Variants in ITPK1 observed in about 807,000 individuals in gnomAD.
ITPK1 encodes the protein inositol 1,3,4-trisphosphate 5/6-kinase.
Under a neutral mutation model 45.3 loss-of-function variants are expected in ITPK1, and 21 were observed. The observed-to-expected ratio is 0.46, with a 90% confidence interval of 0.33 to 0.67. The LOEUF (loss-of-function observed/expected upper bound fraction) is 0.67. ITPK1 is among the 30% of genes least tolerant of loss of function. ITPK1 has a pLI of 0.02. For missense variants in ITPK1, 474 were observed against 573.5 expected (o/e 0.83, Z 1.77); for synonymous variants, 258 against 253.6 (o/e 1.02, Z -0.16).
intron 3 of ITPK1, among the ~76,000 whole-genome samples, chr14:93,049,338 C>A (rs147900481): frequency 2.6e-5 from 4 of 152,166 alleles, no homozygotes; most frequent in African/African-American, 9.7e-5. Context: ...TAAACACAGT[C>A]GGCTCAGAGG....
rs192850155 is a variant in ITPK1 at position 92,970,927 on chromosome 14, G to C, written c.365-8078C>G. 1.0e-3 allele frequency among the ~76,000 whole-genome samples: 154 copies of C among 152,292 alleles called. 2 individuals carry two copies. The East Asian group carries it at 0.023, about 23-fold the overall frequency. ...TGGGATTACAGGCATGAGCCACCGG[G>C]CCAGCCTTACAGCATCTTTTGAAAG... On this transcript the variant is annotated intron_variant, in intron 5 of 10. Transcript: ENST00000267615.
At chr14:93,056,429 C>T (rs1890217235) in intron 3 of ITPK1, among the ~76,000 whole-genome samples, 1 of 152,224 alleles carries the variant, frequency 6.6e-6, no homozygotes, top group South Asian at 2.1e-4. Context: ...AGGGAGTCTG[C>T]ATTTTTCATG....
chr14:93,076,273 T>C lies in ITPK1; in HGVS notation c.120+322A>G, dbSNP rs1215373282. On this transcript the variant is annotated intron_variant, in intron 3 of 10. Coordinates refer to ENST00000267615, the MANE Select transcript of ITPK1 (RefSeq NM_014216.6). The surrounding 1 kb of genome is among the most constrained non-coding windows in gnomAD (Gnocchi z 4.3). ...ACAGAGCACAAGACAACTGGACATC[T>C]AGCTGGGTGCCTACTGCCCCCTCAC... Among the ~76,000 whole-genome samples, 1 of 152,020 alleles carries C rather than the reference T, an allele frequency of 6.6e-6. No homozygotes were observed. The highest frequency in any genetic ancestry group is 2.4e-5 in the African/African-American group (1 of 41,372).
chr14:93,010,263 C>T (rs1195117496), intron 4 of ITPK1, among the ~76,000 whole-genome samples: 3 of 152,352 alleles, frequency 2.0e-5, no homozygotes, highest in Middle Eastern at 6.8e-3. Context: ...CGGACTCGAA[C>T]ACCTAGAACA....
At chr14:93,094,039 G>A (rs991293536) in intron 2 of ITPK1, among the ~76,000 whole-genome samples, 6 of 152,170 alleles carry the variant, frequency 3.9e-5, no homozygotes, top group African/African-American at 7.2e-5. Flanking sequence ...CCACCGCCTC[G>A]GCTCCACCGC....
intron 5 of ITPK1, among the ~76,000 whole-genome samples, chr14:92,970,297 T>TGAA (rs1885581681): frequency 6.6e-6 from 1 of 152,204 alleles, no homozygotes; most frequent in Non-Finnish European, 1.5e-5. Context: ...GAGCCTTGCT[T>TGAA]TCCTCTCTAT....
At chr14:93,011,400 T>C (rs1012939941) in intron 4 of ITPK1, among the ~76,000 whole-genome samples, 1 of 152,198 alleles carries the variant, frequency 6.6e-6, no homozygotes, top group Non-Finnish European at 1.5e-5. Flanking sequence ...ACTCACTTCC[T>C]GTCCCCTCAG....
Position 93,046,242 on chromosome 14 carries a change from T to G in ITPK1, c.121-29441A>C, listed in dbSNP as rs74472302. ...AGGTCCCAGGCATGCACAAACCCACTCACAGACACTTGGCTGAGAGAAATC... is the reference window on the plus strand; with the variant it reads ...AGGTCCCAGGCATGCACAAACCCACGCACAGACACTTGGCTGAGAGAAATC... On this transcript the variant is annotated intron_variant, in intron 3 of 10. Coordinates refer to ENST00000267615, the MANE Select transcript of ITPK1 (RefSeq NM_014216.6). Among the ~76,000 whole-genome samples the G allele has an allele frequency of 1.3e-3, 202 of 152,290 alleles. 5 individuals carry two copies. In the East Asian group the frequency reaches 0.038, roughly 29 times the overall value.
In ITPK1 at chr14:93,012,485, G is replaced by A. The variant is rs1428478006; in HGVS notation, c.246+4191C>T. On this transcript the variant is annotated intron_variant, in intron 4 of 10. Coordinates refer to ENST00000267615, the MANE Select transcript of ITPK1 (RefSeq NM_014216.6). This position sits in a 1 kb window ranked among gnomAD's most constrained non-coding sequence, Gnocchi z 4.9. ...GGGGCAGATCACCGAGGCCCCATGG[G>A]TCAAGCTGGCAATCATGGCCTTCAG... 2.0e-5 allele frequency among the ~76,000 whole-genome samples: 3 copies of A among 152,184 alleles called. No individual in the cohort carries two copies. Among genetic ancestry groups the A allele is most frequent in the Non-Finnish European group, 4.4e-5 (3 of 68,036 alleles).
At chr14:92,962,936 G>A in intron 5 of ITPK1, 87 bp from the exon 6 acceptor site, 1 of 801,546 alleles carries the variant, frequency 1.2e-6, no homozygotes, top group South Asian at 1.6e-5. Flanking sequence ...CACCCCAGGG[G>A]CCTTCAGTGC....
At chr14:92,957,298 G>A (rs1884789531) in intron 8 of ITPK1, among the ~76,000 whole-genome samples, 1 of 152,258 alleles carries the variant, frequency 6.6e-6, no homozygotes, top group African/African-American at 2.4e-5. Context: ...GCGGGGCAGT[G>A]AGTGTTCTCC....
chr14:92,978,047 T>C (rs537961073), intron 5 of ITPK1, among the ~76,000 whole-genome samples: 8 of 152,114 alleles, frequency 5.3e-5, no homozygotes, highest in African/African-American at 1.9e-4. Flanking sequence ...ACCAAAATGC[T>C]GATAGTGCTA....
chr14:93,037,321 T>G (rs1889366982), intron 3 of ITPK1, among the ~76,000 whole-genome samples: 1 of 152,224 alleles, frequency 6.6e-6, no homozygotes. Flanking sequence ...TGTGTGTGGG[T>G]GTGTGTCTGC....
chr14:92,952,124 C>A, intron 8 of ITPK1, 111 bp from the exon 9 acceptor site: 1 of 864,176 alleles, frequency 1.2e-6, no homozygotes, highest in Non-Finnish European at 1.9e-6. Context: ...ACGTGGCCCC[C>A]GGCTCTGCAG....
At position 93,063,446 on chromosome 14, in the gene ITPK1, A is replaced by G. The variant is rs1375139843; in HGVS notation, c.120+13149T>C. ...TGAGCTTCCCACTCCCCACAGCCCCACACAGCACACTAAGCCCTGTCCCTG... is the reference window on the plus strand; with the variant it reads ...TGAGCTTCCCACTCCCCACAGCCCCGCACAGCACACTAAGCCCTGTCCCTG... On this transcript the variant is annotated intron_variant, in intron 3 of 10. Coordinates refer to ENST00000267615, the MANE Select transcript of ITPK1 (RefSeq NM_014216.6). This position sits in a 1 kb window ranked among gnomAD's most constrained non-coding sequence, Gnocchi z 4.3. 1.3e-5 allele frequency among the ~76,000 whole-genome samples: 2 copies of G among 152,078 alleles called. No individual in the cohort carries two copies. Among genetic ancestry groups the G allele is most frequent in the African/African-American group, 2.4e-5 (1 of 41,420 alleles).
chr14:92,945,087 C>T (rs1361231940), intron 10 of ITPK1, among the ~76,000 whole-genome samples: 4 of 152,252 alleles, frequency 2.6e-5, no homozygotes, highest in Non-Finnish European at 4.4e-5. Context: ...GCCCGCTGAC[C>T]GCCCGCTCTG....
At chr14:93,114,899 G>A (rs570542582) in intron 2 of ITPK1, among the ~76,000 whole-genome samples, 170 bp downstream of exon 2, 1 of 152,206 alleles carries the variant, frequency 6.6e-6, no homozygotes, top group East Asian at 1.9e-4. Flanking sequence ...GAACGCGGCC[G>A]GCGGCCGCCA....
chr14:93,101,414 C>G (rs1320641593), intron 2 of ITPK1, among the ~76,000 whole-genome samples: 4 of 152,268 alleles, frequency 2.6e-5, no homozygotes, highest in Non-Finnish European at 5.9e-5. Context: ...CTTCTTCCTT[C>G]CAGAGATGGC....
chr14:93,110,300 A>T (rs542452103), intron 2 of ITPK1, among the ~76,000 whole-genome samples: 3 of 152,292 alleles, frequency 2.0e-5, no homozygotes, highest in African/African-American at 7.2e-5. Context: ...AACCTAAGTC[A>T]GCACCTCTTC....
Sources: gnomAD v4.1 joint callset for allele counts (sites outside exome capture counted in the v4.1 genomes callset) on GRCh38, gnomAD v4.1.1 for gene constraint, Gnocchi (gnomAD v3.1) non-coding constraint, MANE v1.5 for transcripts, NCBI Gene and HGNC (gene_info 2026-07-23, HGNC 2026-07-21) for gene names.